The following ST14 variants were observed in gnomAD, a reference collection of about 807,000 sequenced individuals.
ST14 encodes the protein suppressor of tumorigenicity 14 protein.
Under a neutral mutation model 96.5 loss-of-function variants are expected in ST14, and 40 were observed. The observed-to-expected ratio is 0.41, with a 90% CI of 0.32 to 0.54. The LOEUF is 0.54. ST14 is among the 20% of genes least tolerant of loss of function. The probability of loss-of-function intolerance (pLI) is 0.17; values close to 1 mark genes in which losing one functional copy is unlikely to be tolerated. For synonymous variants in ST14, 506 were observed against 492.1 expected (o/e 1.03, Z -0.37); for missense variants, 1,066 against 1,188.9 (o/e 0.90, Z 1.52).
At chr11:130,173,464 C>T (rs1178575182) in intron 1 of ST14, among the ~76,000 whole-genome samples, 2 of 151,920 alleles carry the variant, frequency 1.3e-5, no homozygotes, top group Admixed American at 6.6e-5. Flanking sequence ...GGTGTGGTGG[C>T]GGGCGCCTGT....
At chr11:130,201,511 C>A (rs1279643946) in intron 16 of ST14, among the ~76,000 whole-genome samples, 2 of 152,242 alleles carry the variant, frequency 1.3e-5, no homozygotes, top group Non-Finnish European at 2.9e-5. Context: ...TGGAGATGGA[C>A]AGCAAGAGCC....
intron 1 of ST14, among the ~76,000 whole-genome samples, chr11:130,179,900 C>T (rs1007851465): frequency 3.3e-5 from 5 of 152,166 alleles, no homozygotes; most frequent in African/African-American, 9.7e-5. Context: ...TGTGCTGGCT[C>T]GGTCTTTCCC....
At chr11:130,161,746 C>T (rs544715946) in intron 1 of ST14, among the ~76,000 whole-genome samples, 132 of 152,238 alleles carry the variant, frequency 8.7e-4, no homozygotes, top group Non-Finnish European at 1.0e-3. Flanking sequence ...TCTTGGCTTG[C>T]TCTTTGTCTT....
chr11:130,196,298 G>A, intron 9 of ST14, 41 bp from the exon 10 acceptor site: 1 of 1,494,232 alleles, frequency 6.7e-7, no homozygotes, highest in Non-Finnish European at 9.1e-7. Context: ...CAGGGAGGAG[G>A]GAGGGGAACT....
In ST14 at chr11:130,210,160, G is replaced by C. The variant is rs923966817; in HGVS notation, c.*337G>C. On this transcript the variant is annotated 3_prime_UTR_variant, in exon 19 of 19. Coordinates refer to ENST00000278742, the MANE Select transcript of ST14 (RefSeq NM_021978.4). ...CCTGTCTCTAAGGAGCAGCGGGAAC[G>C]GAGCTTCGGGGCCTCCTCAGTGAAG... 3.1e-5 allele frequency: 8 copies of C among 256,924 alleles called. No individual in the cohort carries two copies. The highest frequency in any genetic ancestry group is 1.8e-4 in the African/African-American group (8 of 45,302). The allele number at this position is 256,924 out of a possible 1,614,324, so 15.9% of individuals were successfully genotyped here. A position where few individuals can be genotyped will look rare whatever the true frequency, so the allele number is the denominator to read the frequency against.
At chr11:130,204,578 G>A (rs1159404610) in intron 16 of ST14, among the ~76,000 whole-genome samples, 2 of 152,190 alleles carry the variant, frequency 1.3e-5, no homozygotes, top group South Asian at 2.1e-4. Flanking sequence ...TTGGGAAGCC[G>A]AAGCAGGCAG....
intron 1 of ST14, among the ~76,000 whole-genome samples, chr11:130,177,509 G>A (rs548375472): frequency 6.6e-6 from 1 of 152,270 alleles, no homozygotes; most frequent in East Asian, 1.9e-4. Context: ...GTTGTGGTGA[G>A]CCGATATGGC....
chr11:130,192,332 C>T (rs978636626), intron 7 of ST14, among the ~76,000 whole-genome samples: 1 of 152,236 alleles, frequency 6.6e-6, no homozygotes, highest in African/African-American at 2.4e-5. Flanking sequence ...AGAAGGAAAT[C>T]GGCAAGCAAA....
chr11:130,188,855 C>G lies in ST14; in HGVS notation c.370-14C>G. On this transcript the variant is annotated splice_polypyrimidine_tract_variant and intron_variant, in intron 3 of 18. Coordinates refer to ENST00000278742, the MANE Select transcript of ST14 (RefSeq NM_021978.4). The surrounding 1 kb of genome is among the most constrained non-coding windows in gnomAD (Gnocchi z 5.4). Reference sequence around the variant, plus strand: ...GCCGCATGGGGCTCACCTTGAGTCTCTGCCCTTCCTCAGCTGAAGCTGCTG... The same window carrying G: ...GCCGCATGGGGCTCACCTTGAGTCTGTGCCCTTCCTCAGCTGAAGCTGCTG... The G allele has an allele frequency of 6.2e-7, 1 of 1,612,292 alleles. No individual in the cohort carries two copies. The highest frequency in any genetic ancestry group is 8.5e-7 in the Non-Finnish European group (1 of 1,179,362).
At chr11:130,186,028 G>A (rs1218140340) in intron 1 of ST14, among the ~76,000 whole-genome samples, 1 of 151,890 alleles carries the variant, frequency 6.6e-6, no homozygotes, top group African/African-American at 2.4e-5. Context: ...GGCTGGTCTC[G>A]AACTCCCGAC....
At chr11:130,176,240 T>C (rs1953136385) in intron 1 of ST14, among the ~76,000 whole-genome samples, 1 of 152,156 alleles carries the variant, frequency 6.6e-6, no homozygotes, top group African/African-American at 2.4e-5. Context: ...CCTCTTTTTC[T>C]AGTTATTATA....
chr11:130,179,203 T>C (rs1229670611), intron 1 of ST14, among the ~76,000 whole-genome samples: 1 of 152,200 alleles, frequency 6.6e-6, no homozygotes, highest in Non-Finnish European at 1.5e-5. Context: ...CTGCTCCTGA[T>C]GCATGACATC....
At chr11:130,202,070 C>A (rs753200615) in intron 16 of ST14, among the ~76,000 whole-genome samples, 1 of 152,178 alleles carries the variant, frequency 6.6e-6, no homozygotes, top group African/African-American at 2.4e-5. Flanking sequence ...GACCAAGGTC[C>A]GGTTGCTTAG....
intron 1 of ST14, among the ~76,000 whole-genome samples, chr11:130,168,149 G>A (rs1042413123): frequency 2.0e-5 from 3 of 151,976 alleles, no homozygotes; most frequent in African/African-American, 7.3e-5. Flanking sequence ...TATTTTAATC[G>A]TTTTATTGTT....
Position 130,188,343 on chromosome 11 carries a change from G to C in ST14, c.241+70G>C, listed in dbSNP as rs1953259351. 1.3e-6 allele frequency: 2 copies of C among 1,586,550 alleles called. No individual in the cohort carries two copies. Among genetic ancestry groups the C allele is most frequent in the Non-Finnish European group, 8.6e-7 (1 of 1,165,208 alleles). On this transcript the variant is annotated intron_variant, in intron 2 of 18. Coordinates refer to ENST00000278742, the MANE Select transcript of ST14 (RefSeq NM_021978.4). This position sits in a 1 kb window ranked among gnomAD's most constrained non-coding sequence, Gnocchi z 5.4. ...GCTGTCCCTCTTCCCTCAGCGGACA[G>C]ACCCAGGGCCACCTACTGAGTACAC... is the stretch of plus-strand genomic sequence containing the variant.
In ST14 at chr11:130,194,261, A is replaced by C; in HGVS notation, c.988A>C (p.Thr330Pro). The C allele has an allele frequency of 6.2e-7, 1 of 1,614,156 alleles. No homozygotes were observed. The highest frequency in any genetic ancestry group is 8.5e-7 in the Non-Finnish European group (1 of 1,180,024). ...GCGGCGGCATCCCGGCTTTGAGGCCACCTTCTTCCAGCTGCCTAGGATGAG... is the reference window on the plus strand; with the variant it reads ...GCGGCGGCATCCCGGCTTTGAGGCCCCCTTCTTCCAGCTGCCTAGGATGAG... ...TERRHPGFEA[T>P]FFQLPRMSSC... The change falls in exon 8 of 19, where the codon ACC becomes CCC. Residue 330 changes from threonine (T) to proline (P), a missense_variant. By Grantham distance (38) the Thr-to-Pro change is conservative. Transcript: ENST00000278742.
In ST14 at chr11:130,196,194, C is replaced by CAAACAAAA. The variant is rs200271755; in HGVS notation, c.1114-144_1114-143insAACAAAAA. 2.7e-5 allele frequency: 19 copies of CAAACAAAA among 698,872 alleles called. 1 individual carries two copies. The highest frequency in any genetic ancestry group is 1.6e-4 in the African/African-American group (9 of 54,832). The allele number at this position is 698,872 out of a possible 1,614,324, so 43.3% of individuals were successfully genotyped here. ...ACAAACAAACAAACAAACAAACAAA[C>CAAACAAAA]ACGCTGGGAGAACTTTGCAACCTGT... On this transcript the variant is annotated intron_variant, in intron 9 of 18. Coordinates refer to ENST00000278742, the MANE Select transcript of ST14 (RefSeq NM_021978.4).
In ST14 at chr11:130,208,693, C is replaced by T; in HGVS notation, c.2269+9C>T. On this transcript the variant is annotated intron_variant, in intron 17 of 18. Coordinates refer to ENST00000278742, the MANE Select transcript of ST14 (RefSeq NM_021978.4). ...ACACACCCAGTATGGAGGTAAGCTT[C>T]GGGCTGACCTAGGGCTCCGCAGAGG... The T allele has an allele frequency of 6.2e-7, 1 of 1,611,220 alleles. No individual in the cohort carries two copies. Among genetic ancestry groups the T allele is most frequent in the Non-Finnish European group, 8.5e-7 (1 of 1,178,358 alleles).
Position 130,160,053 on chromosome 11 carries a change from G to A in ST14, c.74G>A (p.Arg25Gln). 4 of 1,433,898 alleles carry A rather than the reference G, an allele frequency of 2.8e-6. No homozygotes were observed. Among genetic ancestry groups the A allele is most frequent in the Non-Finnish European group, 3.7e-6 (4 of 1,085,610 alleles). 88.8% of individuals were successfully genotyped at this position (1,433,898 alleles called of 1,614,324 possible). ...GGCGCGGGACTCAAGTACAACTCCC[G>A]GCACGAGGTGAGCGCGGGCCGGGGA... is the stretch of plus-strand genomic sequence containing the variant. ...DFGAGLKYNS[R>Q]HEKVNGLEEG... Residue 25 changes from arginine to glutamine, a missense_variant, in exon 1 of 19, where the codon CGG (arginine) becomes CAG (glutamine). Arg to Gln is a conservative substitution (Grantham distance 43). Coordinates refer to ENST00000278742, the MANE Select transcript of ST14 (RefSeq NM_021978.4).
Sources: allele counts gnomAD v4.1 joint callset (sites outside exome capture counted in the v4.1 genomes callset), GRCh38; gene constraint gnomAD v4.1.1; non-coding constraint Gnocchi (gnomAD v3.1); transcripts MANE v1.5; gene names NCBI Gene and HGNC (gene_info 2026-07-23, HGNC 2026-07-21).